Variants in TMEM116 observed in about 807,000 individuals in gnomAD.
TMEM116 encodes the protein transmembrane protein 116.
In TMEM116, 38 loss-of-function variants were observed where a neutral mutation model predicts 44.3. That is an observed-to-expected ratio of 0.86 (90% CI 0.66 to 1.12). The LOEUF (loss-of-function observed/expected upper bound fraction) is 1.12. Ranked by LOEUF, TMEM116 falls within the 50% of genes most tolerant of loss-of-function variation. TMEM116 has a pLI of 0.00. For synonymous variants in TMEM116, 132 were observed against 144.8 expected (o/e 0.91, Z 0.64); for missense variants, 354 against 401.7 (o/e 0.88, Z 1.01).
intron 4 of TMEM116, among the ~76,000 whole-genome samples, chr12:111,956,746 C>T (rs576314090): frequency 7.2e-5 from 11 of 152,158 alleles, no homozygotes; most frequent in African/African-American, 2.4e-4. Flanking sequence ...AGCTCCTGAC[C>T]GCGAGTGGTC....
chr12:111,992,641 C>T (rs1328004825), intron 3 of TMEM116, among the ~76,000 whole-genome samples: 1 of 152,058 alleles, frequency 6.6e-6, no homozygotes, highest in Admixed American at 6.5e-5. Context: ...AAAACGTTTA[C>T]AGTAATAAAA....
At chr12:111,959,413 C>T (rs1014959477) in intron 4 of TMEM116, among the ~76,000 whole-genome samples, 4 of 152,116 alleles carry the variant, frequency 2.6e-5, no homozygotes, top group Admixed American at 6.6e-5. Context: ...TGTAGACCAT[C>T]GACACTACGA....
intron 4 of TMEM116, among the ~76,000 whole-genome samples, chr12:111,986,782 C>G (rs1024191992): frequency 3.9e-4 from 59 of 152,140 alleles, no homozygotes; most frequent in African/African-American, 1.4e-3. Flanking sequence ...GCACTCCAGC[C>G]TGGGTAACAG....
chr12:111,991,028 G>A (rs2076533581), intron 4 of TMEM116, among the ~76,000 whole-genome samples: 1 of 151,962 alleles, frequency 6.6e-6, no homozygotes, highest in South Asian at 2.1e-4. Context: ...AGACCATCCT[G>A]GCCAACATGG....
chr12:112,001,772 C>A (rs1289051884), intron 3 of TMEM116, among the ~76,000 whole-genome samples: 4 of 152,230 alleles, frequency 2.6e-5, no homozygotes, highest in Non-Finnish European at 4.4e-5. Flanking sequence ...CTTAAAATTA[C>A]TTTGGCAGGC....
intron 4 of TMEM116, among the ~76,000 whole-genome samples, chr12:111,986,310 G>A (rs990846509): frequency 2.6e-5 from 4 of 152,088 alleles, no homozygotes; most frequent in South Asian, 2.1e-4. Flanking sequence ...AGTGAGCCAC[G>A]ATCATGCCAC....
chr12:111,944,368 G>C (rs531174711), intron 4 of TMEM116, among the ~76,000 whole-genome samples: 2 of 152,024 alleles, frequency 1.3e-5, no homozygotes, highest in Non-Finnish European at 2.9e-5. Flanking sequence ...TGGTAAGAGC[G>C]AGTATAGGAG....
Position 111,991,632 on chromosome 12 carries a change from G to T in TMEM116, c.210+126C>A, listed in dbSNP as rs967430200. On this transcript the variant is annotated intron_variant, in intron 4 of 10. Coordinates refer to ENST00000552374, the MANE Select transcript of TMEM116 (RefSeq NM_001193531.2). The stretch of plus-strand genomic sequence containing the variant: ...GTTTTTAATATGAAAAAAGATAAAA[G>T]CTATTGTTTCAAAATGTAACAATAA... 1.6e-5 allele frequency: 15 copies of T among 909,626 alleles called. No individual in the cohort carries two copies. In the African/African-American group the frequency reaches 2.5e-4, roughly 15 times the overall value. 56.3% of individuals were successfully genotyped at this position (909,626 alleles called of 1,614,324 possible). A position where few individuals can be genotyped will look rare whatever the true frequency, so the allele number is the denominator to read the frequency against.
chr12:112,012,664 A>G (rs1327401427), intron 1 of TMEM116: 1 of 152,606 alleles, frequency 6.6e-6, no homozygotes. Context: ...GCGTGCCTTC[A>G]GCACACAACG....
At chr12:111,959,903 T>A (rs1404905053) in intron 4 of TMEM116, among the ~76,000 whole-genome samples, 1 of 152,136 alleles carries the variant, frequency 6.6e-6, no homozygotes, top group Admixed American at 6.5e-5. Flanking sequence ...CACACAATAA[T>A]GTGAGACTTT....
chr12:111,958,276 C>CAAAAA (rs2074304746), intron 4 of TMEM116, among the ~76,000 whole-genome samples: 1 of 17,688 alleles, frequency 5.7e-5, no homozygotes. Context: ...TCAATAAATA[C>CAAAAA]TAAAAAAAAA....
chr12:111,938,252 C>G (rs370967511), intron 5 of TMEM116, 42 bp from the exon 6 acceptor site: 5 of 1,382,684 alleles, frequency 3.6e-6, no homozygotes, highest in Non-Finnish European at 5.0e-6. Flanking sequence ...AAGACATTGT[C>G]AATCATATAA....
intron 4 of TMEM116, among the ~76,000 whole-genome samples, chr12:111,956,545 G>A (rs890738557): frequency 3.3e-5 from 5 of 152,190 alleles, no homozygotes; most frequent in Admixed American, 1.3e-4. Context: ...CCCTTTGCAC[G>A]GTCTCCCTCT....
chr12:111,943,160 G>T, intron 5 of TMEM116, 105 bp downstream of exon 5: 1 of 871,834 alleles, frequency 1.1e-6, no homozygotes, highest in Non-Finnish European at 1.9e-6. Context: ...CTGGGCATAA[G>T]CAATCTGCCC....
chr12:111,991,914 T>C (rs746622152), intron 3 of TMEM116, 25 bp from the exon 4 acceptor site: 1 of 1,530,658 alleles, frequency 6.5e-7, no homozygotes, highest in South Asian at 1.2e-5. Flanking sequence ...AAATCCTCAT[T>C]TCATATGTGA....
intron 1 of TMEM116, chr12:112,010,348 C>T (rs918099115): frequency 6.6e-6 from 1 of 152,206 alleles, no homozygotes; most frequent in Admixed American, 6.5e-5. Flanking sequence ...GGCCAGAAAC[C>T]TCTGTGGCCA....
chr12:111,991,746 T>C lies in TMEM116; in HGVS notation c.210+12A>G, dbSNP rs2076615132. 2 of 1,533,726 alleles carry C rather than the reference T, an allele frequency of 1.3e-6. No individual in the cohort carries two copies. Among genetic ancestry groups the C allele is most frequent in the Non-Finnish European group, 1.7e-6 (2 of 1,145,566 alleles). On this transcript the variant is annotated intron_variant, in intron 4 of 10. Transcript: ENST00000552374. ...TTCTTGCAAGGTGCAGTGACAGTCT[T>C]GTAGCACTCACCTGTCCAACTGCTT...
intron 4 of TMEM116, among the ~76,000 whole-genome samples, chr12:111,965,212 T>C (rs1380896575): frequency 1.3e-5 from 2 of 152,102 alleles, no homozygotes; most frequent in East Asian, 3.9e-4. Context: ...AAGAGCCAGC[T>C]AGAGAGTAAT....
chr12:112,003,190 T>C (rs960776836), intron 3 of TMEM116, among the ~76,000 whole-genome samples: 4 of 152,218 alleles, frequency 2.6e-5, no homozygotes, highest in African/African-American at 9.6e-5. Flanking sequence ...GCTCCTGCTA[T>C]GCTTAGAGTG....
Sources: gnomAD v4.1 joint callset for allele counts (sites outside exome capture counted in the v4.1 genomes callset) on GRCh38, gnomAD v4.1.1 for gene constraint, MANE v1.5 for transcripts, NCBI Gene and HGNC (gene_info 2026-07-23, HGNC 2026-07-21) for gene names.